The following RCOR1 variants were observed in gnomAD, a reference collection of about 807,000 sequenced individuals.
RCOR1 encodes REST corepressor 1.
RCOR1 carries 12 observed loss-of-function variants against 64.0 expected under a neutral mutation model. That is an observed-to-expected ratio of 0.19 (90% confidence interval 0.12 to 0.30). RCOR1 has a LOEUF of 0.30. Among genes scored for constraint, RCOR1 ranks in the 10% least tolerant of loss-of-function variants. The pLI is 1.00. For missense variants in RCOR1, 502 were observed against 621.2 expected, an observed-to-expected ratio of 0.81 and a Z score of 2.04; for synonymous variants, 279 against 227.2, an observed-to-expected ratio of 1.23 and a Z score of -2.05.
At chr14:102,666,446 G>C (rs995566119) in intron 2 of RCOR1, among the ~76,000 whole-genome samples, 2 of 152,162 alleles carry the variant, frequency 1.3e-5, no homozygotes, top group Admixed American at 6.5e-5. Flanking sequence ...TGGTACATTT[G>C]TTACAATTAG....
At chr14:102,710,296 A>G (rs1387056987) in intron 6 of RCOR1, among the ~76,000 whole-genome samples, 1 of 152,240 alleles carries the variant, frequency 6.6e-6, no homozygotes, top group East Asian at 1.9e-4. Flanking sequence ...ATTCCTACCT[A>G]CATCGGGGCT....
chr14:102,657,289 C>A, intron 2 of RCOR1: 1 of 985,218 alleles, frequency 1.0e-6, no homozygotes, highest in Non-Finnish European at 1.2e-6. Flanking sequence ...TTTGGTGAGT[C>A]CTTTTAGGCG....
At chr14:102,609,139 G>A (rs577893705) in intron 2 of RCOR1, among the ~76,000 whole-genome samples, 20 of 149,836 alleles carry the variant, frequency 1.3e-4, no homozygotes, top group East Asian at 9.9e-4. Flanking sequence ...TCTGCCTCCC[G>A]GGTTCAAGCA....
chr14:102,593,780 C>T (rs1052413954), intron 2 of RCOR1, among the ~76,000 whole-genome samples: 1 of 152,190 alleles, frequency 6.6e-6, no homozygotes, highest in African/African-American at 2.4e-5. Context: ...TTTGCTCCTC[C>T]TCTCAGCCTC....
chr14:102,626,262 T>C (rs1467321034), intron 2 of RCOR1, among the ~76,000 whole-genome samples: 1 of 152,350 alleles, frequency 6.6e-6, no homozygotes, highest in Non-Finnish European at 1.5e-5. Context: ...CCACAACCTG[T>C]GTTTTACTCT....
chr14:102,603,115 T>A (rs1453054045), intron 2 of RCOR1, among the ~76,000 whole-genome samples: 3 of 152,016 alleles, frequency 2.0e-5, no homozygotes, highest in African/African-American at 7.2e-5. Context: ...TTCTTACTCT[T>A]GTCGCCCAGG....
At chr14:102,616,058 C>T (rs1893752723) in intron 2 of RCOR1, among the ~76,000 whole-genome samples, 1 of 152,166 alleles carries the variant, frequency 6.6e-6, no homozygotes, top group African/African-American at 2.4e-5. Context: ...CGTAAACCTT[C>T]ATTTATTTTG....
At chr14:102,602,122 G>A (rs2139880831) in intron 2 of RCOR1, among the ~76,000 whole-genome samples, 1 of 150,546 alleles carries the variant, frequency 6.6e-6, no homozygotes, top group Admixed American at 6.6e-5. Context: ...TTGTGCCACT[G>A]CACTCCAGAC....
At chr14:102,653,085 A>G (rs561432722) in intron 2 of RCOR1, among the ~76,000 whole-genome samples, 2 of 151,994 alleles carry the variant, frequency 1.3e-5, no homozygotes, top group Non-Finnish European at 2.9e-5. Context: ...GGCGCGCGCC[A>G]GCCAATTTTT....
rs981501764 is a variant in RCOR1 at position 102,592,681 on chromosome 14, G to A, written c.-206G>A. 10 of 1,228,162 alleles carry A rather than the reference G, an allele frequency of 8.1e-6. No homozygotes were observed. In the Admixed American group the frequency reaches 1.7e-4, roughly 21 times the overall value. 76.1% of individuals were successfully genotyped at this position (1,228,162 alleles called of 1,614,324 possible). ...GTGAAGTGAGGGCGGCGATGAGAGC[G>A]AAAGTTGCGCTCGGCTCGTCGCTGG... On this transcript the variant is annotated 5_prime_UTR_variant, in exon 1 of 12. Coordinates refer to ENST00000262241, the MANE Select transcript of RCOR1 (RefSeq NM_015156.4).
intron 3 of RCOR1, among the ~76,000 whole-genome samples, chr14:102,694,786 C>A (rs1024867171): frequency 2.6e-5 from 4 of 152,074 alleles, no homozygotes; most frequent in African/African-American, 9.7e-5. Flanking sequence ...TGATTCTCAG[C>A]GAGGTGTGAT....
intron 2 of RCOR1, among the ~76,000 whole-genome samples, chr14:102,653,983 C>CTTTCTT (rs1334055763): frequency 3.3e-3 from 110 of 33,148 alleles, no homozygotes; most frequent in African/African-American, 4.4e-3. Flanking sequence ...TTCTTTCTTT[C>CTTTCTT]TTTTTTTTTT....
intron 7 of RCOR1, among the ~76,000 whole-genome samples, chr14:102,712,953 T>C: frequency 8.7e-6 from 1 of 114,736 alleles, no homozygotes. Context: ...CATTGTTTTT[T>C]TTTTTTTTTT....
At chr14:102,600,147 C>T (rs974355057) in intron 2 of RCOR1, among the ~76,000 whole-genome samples, 5 of 151,850 alleles carry the variant, frequency 3.3e-5, no homozygotes, top group East Asian at 1.9e-4. Context: ...AGTGCAGTGG[C>T]GCGATCTCAG....
rs558484074 is a variant in RCOR1 at position 102,663,868 on chromosome 14, G to A, written c.362-18027G>A. 3.6e-4 allele frequency among the ~76,000 whole-genome samples: 55 copies of A among 152,188 alleles called. 1 individual carries two copies. The highest frequency in any genetic ancestry group is 6.6e-4 in the Non-Finnish European group (45 of 68,044). On this transcript the variant is annotated intron_variant, in intron 2 of 11. Coordinates refer to ENST00000262241, the MANE Select transcript of RCOR1 (RefSeq NM_015156.4). ...TATATTGATAACATGGAAGAAAAGT[G>A]TTTCTGGTTTCTCTTAGAGAAAATC...
chr14:102,726,385 C>A, intron 11 of RCOR1, 83 bp from the exon 12 acceptor site: 1 of 1,266,164 alleles, frequency 7.9e-7, no homozygotes, highest in Non-Finnish European at 1.1e-6. Flanking sequence ...GCTACCTTCT[C>A]TTTTCAGTAC....
At chr14:102,691,371 T>C (rs151110006) in intron 3 of RCOR1, among the ~76,000 whole-genome samples, 80 of 152,200 alleles carry the variant, frequency 5.3e-4, no homozygotes, top group African/African-American at 1.9e-3. Context: ...GAGTCATGGG[T>C]TCATTTGTAC....
intron 11 of RCOR1, among the ~76,000 whole-genome samples, chr14:102,725,560 C>T (rs994833856): frequency 3.9e-5 from 6 of 152,110 alleles, no homozygotes; most frequent in Non-Finnish European, 8.8e-5. Context: ...CTTATATGCC[C>T]TTTTCAGGTT....
intron 6 of RCOR1, among the ~76,000 whole-genome samples, chr14:102,708,842 T>G (rs2139985571): frequency 6.6e-6 from 1 of 152,350 alleles, no homozygotes; most frequent in East Asian, 1.9e-4. Flanking sequence ...GGGTGGCTCC[T>G]TTTAATAAAA....
Sources: allele counts gnomAD v4.1 joint callset (sites outside exome capture counted in the v4.1 genomes callset), GRCh38; gene constraint gnomAD v4.1.1; transcripts MANE v1.5; gene names NCBI Gene and HGNC (gene_info 2026-07-23, HGNC 2026-07-21).